DNAH8: variants seen among roughly 807,000 people sequenced by gnomAD.
The protein encoded by DNAH8 is axonemal beta dynein heavy chain 8.
In DNAH8, 382 loss-of-function variants were observed where a neutral mutation model predicts 562.1. The observed-to-expected ratio is 0.68, with a 90% CI of 0.63 to 0.74. The LOEUF (loss-of-function observed/expected upper bound fraction) is 0.74, where lower values mean the gene tolerates loss of function less well. DNAH8 is among the 30% of genes least tolerant of loss of function. The probability of loss-of-function intolerance (pLI) is 0.00; values close to 1 mark genes in which losing one functional copy is unlikely to be tolerated. For missense variants in DNAH8, 5,203 were observed against 5,620.4 expected (o/e 0.93, Z 2.37); for synonymous variants, 1,881 against 1,919.4 (o/e 0.98, Z 0.52).
chr6:38,851,682 C>CT lies in DNAH8; in HGVS notation c.5466+9dup. The CT allele has an allele frequency of 6.4e-7, 1 of 1,558,200 alleles. No individual in the cohort carries two copies. Among genetic ancestry groups the CT allele is most frequent in the Non-Finnish European group, 8.8e-7 (1 of 1,134,126 alleles). ...GATTCCCACACCATACAGGTATAAT[C>CT]TAAGAATCTGTGATCTAACTTGCTT... On this transcript the variant is annotated intron_variant, in intron 39 of 92. Coordinates refer to ENST00000327475, the MANE Select transcript of DNAH8 (RefSeq NM_001206927.2).
In DNAH8 at chr6:38,789,856, C is replaced by T; in HGVS notation, c.2637C>T (p.Val879=). The change falls in exon 19 of 93, where the codon GTC becomes GTT. Residue 879 remains valine (V), a synonymous_variant. Coordinates refer to ENST00000327475, the MANE Select transcript of DNAH8 (RefSeq NM_001206927.2). ...GTCAGGAAGTGCCTTCTGTGTTTGTCAATCTGATGACCCCAAAAATGAAAA... is the reference window on the plus strand; with the variant it reads ...GTCAGGAAGTGCCTTCTGTGTTTGTTAATCTGATGACCCCAAAAATGAAAA... ...ELCQEVPSVF[V]NLMTPKMKKV... The T allele has an allele frequency of 6.2e-7, 1 of 1,613,024 alleles. No homozygotes were observed. The highest frequency in any genetic ancestry group is 8.5e-7 in the Non-Finnish European group (1 of 1,179,354).
intron 21 of DNAH8, among the ~76,000 whole-genome samples, chr6:38,802,133 G>A (rs1397374133): frequency 1.3e-5 from 2 of 151,814 alleles, no homozygotes; most frequent in South Asian, 2.1e-4. Flanking sequence ...ATGGGGTCTC[G>A]CCATGTTGCC....
At chr6:38,839,723 C>T (rs1738196) in intron 33 of DNAH8, among the ~76,000 whole-genome samples, 32,094 of 151,626 alleles carry the variant, frequency 0.21, 4,257 homozygotes, top group African/African-American at 0.37. Context: ...AGTGCAATGA[C>T]ATGATCTCGG....
chr6:39,016,491 C>T (rs1483398383), intron 91 of DNAH8, among the ~76,000 whole-genome samples: 1 of 149,982 alleles, frequency 6.7e-6, no homozygotes, highest in East Asian at 2.0e-4. Context: ...GCGGAGCTTG[C>T]AGTGGGCCGA....
chr6:38,734,948 T>C lies in DNAH8; in HGVS notation c.762+323T>C, dbSNP rs1289121738. On this transcript the variant is annotated intron_variant, in intron 5 of 92. Transcript: ENST00000327475. ...TCAATATTTTAACTCTTTTATAGTT[T>C]TAAAAGAAGAAGGGAGAGTTGTCCT... is the stretch of plus-strand genomic sequence containing the variant. 2.6e-5 allele frequency among the ~76,000 whole-genome samples: 4 copies of C among 152,330 alleles called. No homozygotes were observed. The East Asian group carries it at 7.7e-4, about 29-fold the overall frequency.
chr6:38,873,832 A>G (rs1027590369), intron 52 of DNAH8, among the ~76,000 whole-genome samples: 2 of 118,316 alleles, frequency 1.7e-5, no homozygotes, highest in African/African-American at 5.8e-5. Flanking sequence ...ATAAGTAAAT[A>G]AAAATAAATA....
intron 57 of DNAH8, among the ~76,000 whole-genome samples, chr6:38,889,382 GATTAT>G (rs1347309527): frequency 3.3e-5 from 5 of 152,094 alleles, no homozygotes; most frequent in African/African-American, 1.2e-4. Flanking sequence ...GCAAGTTACT[GATTAT>G]ATTAAAGAGA....
Position 38,937,966 on chromosome 6 carries a change from A to G in DNAH8, c.11564-8A>G. ...TGTGTACTACGGTTTTCCTGTTTTG[A>G]ATTTCAGGCTCATTGGTAGATGACG... is the stretch of plus-strand genomic sequence containing the variant. On this transcript the variant is annotated splice_region_variant and splice_polypyrimidine_tract_variant and intron_variant, in intron 77 of 92. Coordinates refer to ENST00000327475, the MANE Select transcript of DNAH8 (RefSeq NM_001206927.2). 6.2e-7 allele frequency: 1 copy of G among 1,612,198 alleles called. No individual in the cohort carries two copies. The highest frequency in any genetic ancestry group is 1.7e-4 in the Middle Eastern group (1 of 6,054).
At chr6:38,769,422 T>C (rs2127619850) in intron 11 of DNAH8, among the ~76,000 whole-genome samples, 1 of 152,154 alleles carries the variant, frequency 6.6e-6, no homozygotes, top group Middle Eastern at 3.4e-3. Flanking sequence ...ATCAGAGACC[T>C]CAAAGAGAGC....
chr6:38,866,453 T>C (rs1392691094), intron 45 of DNAH8, 138 bp from the exon 46 acceptor site: 4 of 625,524 alleles, frequency 6.4e-6, no homozygotes, highest in Non-Finnish European at 1.1e-5. Context: ...ACATATTGTT[T>C]TGAGAAAACA....
At chr6:38,867,759 A>AAC (rs200519067) in intron 47 of DNAH8, among the ~76,000 whole-genome samples, 64 of 146,426 alleles carry the variant, frequency 4.4e-4, no homozygotes, top group Middle Eastern at 3.6e-3. Flanking sequence ...TCTCAAAAAA[A>AAC]AAAAAAAAAA....
At chr6:38,727,304 C>G (rs1763304701) in intron 3 of DNAH8, among the ~76,000 whole-genome samples, 1 of 152,212 alleles carries the variant, frequency 6.6e-6, no homozygotes, top group Non-Finnish European at 1.5e-5. Flanking sequence ...CTCTGCCCTG[C>G]TCTGTGGCAT....
At chr6:38,720,410 A>T (rs1303352259) in intron 1 of DNAH8, among the ~76,000 whole-genome samples, 1 of 152,070 alleles carries the variant, frequency 6.6e-6, no homozygotes. Context: ...TTAAGCATGA[A>T]CCCCTAGCCA....
chr6:38,896,288 T>C, intron 60 of DNAH8, 63 bp downstream of exon 60: 1 of 1,319,074 alleles, frequency 7.6e-7, no homozygotes, highest in East Asian at 2.3e-5. Context: ...TCTTTCTCTC[T>C]GCACCAGAGT....
chr6:38,936,628 C>A (rs1296069033), intron 77 of DNAH8, among the ~76,000 whole-genome samples: 1 of 152,142 alleles, frequency 6.6e-6, no homozygotes, highest in Non-Finnish European at 1.5e-5. Flanking sequence ...TCGCACTGCT[C>A]CCGCTAGTGA....
chr6:38,926,122 C>A lies in DNAH8; in HGVS notation c.11030C>A (p.Thr3677Lys). The A allele has an allele frequency of 6.2e-7, 1 of 1,613,664 alleles. No individual in the cohort carries two copies. The highest frequency in any genetic ancestry group is 8.5e-7 in the Non-Finnish European group (1 of 1,179,762). ...DLSIQNGIIV[T>K]KATRYPLLID... Reference sequence around the variant, plus strand: ...TCAATTCAGAATGGCATTATTGTGACAAAGGCCACCAGATACCCACTCCTC... The same window carrying A: ...TCAATTCAGAATGGCATTATTGTGAAAAAGGCCACCAGATACCCACTCCTC... The change falls in exon 74 of 93, where the codon ACA becomes AAA. Residue 3677 changes from threonine to lysine, a missense_variant. By Grantham distance (78) the Thr-to-Lys change is moderately conservative. Transcript: ENST00000327475.
chr6:38,823,676 G>A lies in DNAH8; in HGVS notation c.3835G>A (p.Glu1279Lys), dbSNP rs1208393539. ...LKPIIVVGAL[E>K]LHTEPMKLAL... Reference sequence around the variant, plus strand: ...GCCTATTATTGTTGTAGGAGCACTTGAATTACATACAGGTATTTTAAAAAT... The same window carrying A: ...GCCTATTATTGTTGTAGGAGCACTTAAATTACATACAGGTATTTTAAAAAT... Residue 1279 changes from glutamate (E) to lysine (K), a missense_variant, in exon 28 of 93, where the codon GAA becomes AAA. By Grantham distance (56) the Glu-to-Lys change is moderately conservative. Transcript: ENST00000327475. The A allele has an allele frequency of 1.9e-6, 3 of 1,597,268 alleles. No individual in the cohort carries two copies. The highest frequency in any genetic ancestry group is 2.6e-6 in the Non-Finnish European group (3 of 1,167,078).
rs2127640043 is a variant in DNAH8 at position 38,781,442 on chromosome 6, A to G, written c.2259+69A>G. ...TAATATAACAAATATATCATATCCT[A>G]TAATATTTGTGTGCATTAAAGTAGC... On this transcript the variant is annotated intron_variant, in intron 16 of 92. Transcript: ENST00000327475. 2.0e-6 allele frequency: 3 copies of G among 1,513,578 alleles called. No individual in the cohort carries two copies. The East Asian group carries it at 7.0e-5, about 35-fold the overall frequency. 93.8% of individuals were successfully genotyped at this position (1,513,578 alleles called of 1,614,324 possible).
chr6:38,870,468 G>C lies in DNAH8; in HGVS notation c.6896G>C (p.Ser2299Thr). The change falls in exon 49 of 93, where the codon AGT (serine) becomes ACT (threonine). Residue 2299 changes from serine to threonine, a missense_variant. Coordinates refer to ENST00000327475, the MANE Select transcript of DNAH8 (RefSeq NM_001206927.2). Reference sequence around the variant, plus strand: ...CTGTTCCCAGGACTGCAACTGGATAGTAATACTTATGCAGAACTGCAAAAC... The same window carrying C: ...CTGTTCCCAGGACTGCAACTGGATACTAATACTTATGCAGAACTGCAAAAC... The part of the protein sequence containing the change: ...NDLFPGLQLD[S>T]NTYAELQNAV... The C allele has an allele frequency of 6.2e-7, 1 of 1,614,074 alleles. No homozygotes were observed.
Sources: allele counts gnomAD v4.1 joint callset (sites outside exome capture counted in the v4.1 genomes callset), GRCh38; gene constraint gnomAD v4.1.1; transcripts MANE v1.5; gene names NCBI Gene and HGNC (gene_info 2026-07-23, HGNC 2026-07-21).